The following PTPRE variants were observed in gnomAD, a reference collection of about 807,000 sequenced individuals.
PTPRE encodes the protein receptor-type tyrosine-protein phosphatase epsilon.
In PTPRE, 51 loss-of-function variants were observed where a neutral mutation model predicts 102.0. The observed-to-expected ratio is 0.50, with a 90% CI of 0.40 to 0.63. The LOEUF (loss-of-function observed/expected upper bound fraction) is 0.63. PTPRE is among the 30% of genes least tolerant of loss of function. PTPRE has a pLI of 0.00. For missense variants in PTPRE, 752 were observed against 915.1 expected (o/e 0.82, Z 2.30); for synonymous variants, 345 against 348.2 (o/e 0.99, Z 0.10).
intron 1 of PTPRE, among the ~76,000 whole-genome samples, chr10:127,970,089 G>A (rs951047524): frequency 2.6e-5 from 4 of 152,048 alleles, no homozygotes; most frequent in East Asian, 1.9e-4. Context: ...TTACACACAC[G>A]CGTAAAAAAA....
intron 1 of PTPRE, among the ~76,000 whole-genome samples, chr10:127,935,734 C>T (rs555975092): frequency 1.3e-5 from 2 of 152,256 alleles, no homozygotes; most frequent in South Asian, 4.1e-4. Context: ...GCTGCCGTGT[C>T]CCCTCAGTGC....
chr10:127,976,401 C>G (rs560333617), intron 1 of PTPRE, among the ~76,000 whole-genome samples: 10 of 152,304 alleles, frequency 6.6e-5, no homozygotes, highest in Non-Finnish European at 1.0e-4. Context: ...TGCATGTTTC[C>G]TAATCCAAAG....
chr10:128,004,448 A>G (rs1004615205), intron 2 of PTPRE, among the ~76,000 whole-genome samples: 1 of 152,172 alleles, frequency 6.6e-6, no homozygotes, highest in African/African-American at 2.4e-5. Flanking sequence ...GCAACCGCCA[A>G]TCAGCTGTCC....
rs1320307579 is a variant in PTPRE at position 127,930,886 on chromosome 10, G to A, written c.-31+23577G>A. Among the ~76,000 whole-genome samples, 5 of 151,326 alleles carry A rather than the reference G, an allele frequency of 3.3e-5. No individual in the cohort carries two copies. The East Asian group carries it at 5.8e-4, about 18-fold the overall frequency. Reference sequence around the variant, plus strand: ...CGGCTCACTGCAACTTCAGCCTCCCGGATTCAAGCGATTCTCCTGCCTCAG... The same window carrying A: ...CGGCTCACTGCAACTTCAGCCTCCCAGATTCAAGCGATTCTCCTGCCTCAG... On this transcript the variant is annotated intron_variant, in intron 1 of 20. Coordinates refer to ENST00000254667, the MANE Select transcript of PTPRE (RefSeq NM_006504.6).
intron 1 of PTPRE, among the ~76,000 whole-genome samples, chr10:127,959,087 T>C (rs1342356703): frequency 1.3e-5 from 2 of 152,062 alleles, no homozygotes; most frequent in African/African-American, 2.4e-5. Flanking sequence ...GTAGAGATGG[T>C]GTTTCTCCAT....
intron 17 of PTPRE, among the ~76,000 whole-genome samples, chr10:128,074,682 G>A (rs1310516287): frequency 6.7e-6 from 1 of 148,710 alleles, no homozygotes; most frequent in Admixed American, 6.7e-5. Context: ...AAAAAAAAAA[G>A]TTTCTTGAAC....
Position 128,056,110 on chromosome 10 carries a change from C to T in PTPRE, c.421-13C>T, listed in dbSNP as rs1225658068. 2.5e-6 allele frequency: 4 copies of T among 1,585,922 alleles called. No individual in the cohort carries two copies. The highest frequency in any genetic ancestry group is 3.5e-6 in the Non-Finnish European group (4 of 1,154,906). ...TCCATCACATTTCATACTAATGCTA[C>T]ATTTTCTTCCAGTCATTGCCATCTG... On this transcript the variant is annotated splice_polypyrimidine_tract_variant and intron_variant, in intron 6 of 20. Transcript: ENST00000254667.
At chr10:128,048,059 T>C (rs1405304613) in intron 5 of PTPRE, among the ~76,000 whole-genome samples, 1 of 152,220 alleles carries the variant, frequency 6.6e-6, no homozygotes, top group Non-Finnish European at 1.5e-5. Context: ...TGAGACATTT[T>C]TGTTTGTGGC....
intron 13 of PTPRE, 108 bp downstream of exon 13, chr10:128,069,935 C>T: frequency 6.4e-7 from 1 of 1,555,884 alleles, no homozygotes; most frequent in South Asian, 1.2e-5. Context: ...TGGCAACCAG[C>T]CTGGGCCTGG....
intron 16 of PTPRE, chr10:128,072,544 T>C (rs2136038002): frequency 1.0e-5 from 2 of 194,984 alleles, no homozygotes; most frequent in South Asian, 1.9e-4. Context: ...CCCAGCTACT[T>C]GGGAAGCTGA....
At position 128,040,944 on chromosome 10, in the gene PTPRE, G is replaced by T; in HGVS notation, c.63G>T (p.Arg21Ser). 1.2e-6 allele frequency: 2 copies of T among 1,614,054 alleles called. No homozygotes were observed. Among genetic ancestry groups the T allele is most frequent in the Non-Finnish European group, 1.7e-6 (2 of 1,179,998 alleles). The change falls in exon 3 of 21, where the codon AGG becomes AGT. Residue 21 changes from arginine to serine, a missense_variant. Arg to Ser is a moderately radical substitution (Grantham distance 110, BLOSUM62 -1). This residue lies in a region of PTPRE where 116 missense variants were observed against 90.8 expected (regional missense o/e 1.28). Coordinates refer to ENST00000254667, the MANE Select transcript of PTPRE (RefSeq NM_006504.6). The part of the protein sequence containing the change: ...GFSLPLARAL[R>S]GNETTADSNE... The stretch of plus-strand genomic sequence containing the variant: ...GCTTGCCGCTCGCCAGGGCTCTCAG[G>T]GGCAACGAGACCACTGCCGACAGCA...
intron 2 of PTPRE, among the ~76,000 whole-genome samples, chr10:127,985,534 G>GGATT (rs1324492071): frequency 5.9e-5 from 9 of 151,638 alleles, no homozygotes; most frequent in African/African-American, 2.2e-4. Flanking sequence ...CAGTGAGCCA[G>GGATT]GATTGTGCCA....
At chr10:127,979,547 C>T (rs1035873461) in intron 1 of PTPRE, among the ~76,000 whole-genome samples, 4 of 152,116 alleles carry the variant, frequency 2.6e-5, no homozygotes, top group African/African-American at 9.7e-5. Context: ...TGTGGTAGTG[C>T]ACACCTGTAG....
At chr10:127,999,914 G>A in intron 2 of PTPRE, 1 of 985,414 alleles carries the variant, frequency 1.0e-6, no homozygotes, top group Non-Finnish European at 1.2e-6. Flanking sequence ...TGTGGACATG[G>A]GTCTGAACGA....
chr10:128,054,778 G>A (rs1043658074), intron 6 of PTPRE, among the ~76,000 whole-genome samples: 9 of 152,102 alleles, frequency 5.9e-5, no homozygotes, highest in Non-Finnish European at 1.2e-4. Context: ...CCTGTGGGTG[G>A]CAGGTCAGGC....
At chr10:127,942,413 A>G (rs987032914) in intron 1 of PTPRE, among the ~76,000 whole-genome samples, 6 of 152,238 alleles carry the variant, frequency 3.9e-5, no homozygotes, top group Admixed American at 1.3e-4. Flanking sequence ...TAACAAAGCT[A>G]TGCCTTTGTG....
intron 19 of PTPRE, among the ~76,000 whole-genome samples, chr10:128,079,338 G>C (rs1184601286): frequency 6.6e-6 from 1 of 152,042 alleles, no homozygotes; most frequent in Admixed American, 6.6e-5. Context: ...ATAAAATATC[G>C]GTCTCCTGTA....
rs1160758682 is a variant in PTPRE, at chr10:128,061,027, G to C, written c.588+12G>C. On this transcript the variant is annotated intron_variant, in intron 8 of 20. Coordinates refer to ENST00000254667, the MANE Select transcript of PTPRE (RefSeq NM_006504.6). ...CTTCCTACATAGATGTAAGTGGGCA[G>C]AGGTTTCTTGTTCCCCTGGCCCAGC... The C allele has an allele frequency of 1.2e-6, 2 of 1,613,250 alleles. No individual in the cohort carries two copies. Among genetic ancestry groups the C allele is most frequent in the South Asian group, 2.2e-5 (2 of 91,048 alleles).
At chr10:127,997,901 C>G (rs1289739947) in intron 2 of PTPRE, among the ~76,000 whole-genome samples, 1 of 152,220 alleles carries the variant, frequency 6.6e-6, no homozygotes, top group Non-Finnish European at 1.5e-5. Context: ...CACATTTACA[C>G]CAGCAGACAC....
Sources: gnomAD v4.1 joint callset for allele counts (sites outside exome capture counted in the v4.1 genomes callset) on GRCh38, gnomAD v4.1.1 for gene constraint, gnomAD v4.1.1 regional missense constraint, MANE v1.5 for transcripts, NCBI Gene and HGNC (gene_info 2026-07-23, HGNC 2026-07-21) for gene names.